FBXL20: variants seen among roughly 807,000 people sequenced by gnomAD.
FBXL20 encodes F-box and leucine rich repeat protein 20, also known as F-box/LRR-repeat protein 20.
A neutral mutation model predicts 64.0 loss-of-function variants in FBXL20; 11 were observed. The ratio of observed to expected loss-of-function variants is 0.17; its 90% confidence interval spans 0.11 to 0.28. The LOEUF (loss-of-function observed/expected upper bound fraction) is 0.28. FBXL20 is among the 10% of genes least tolerant of loss of function. FBXL20 has a pLI of 1.00. For missense variants in FBXL20, 303 were observed against 526.2 expected (o/e 0.58, Z 4.15); for synonymous variants, 184 against 189.0 (o/e 0.97, Z 0.22).
chr17:39,392,438 CA>C (rs67507209), intron 1 of FBXL20, among the ~76,000 whole-genome samples: 3,414 of 103,880 alleles, frequency 0.033, 87 homozygotes, highest in Middle Eastern at 0.12. Flanking sequence ...AGATTGTCTC[CA>C]AAAAAAAAAA....
rs1175898611 is a variant in FBXL20, at chr17:39,259,696, G to C, written c.*1764C>G. The stretch of plus-strand genomic sequence containing the variant: ...ACATTCATACTTCATTCAGAAGTCT[G>C]AACAGGGCCGGGCATGGTGGCTCAT... On this transcript the variant is annotated 3_prime_UTR_variant, in exon 15 of 15. Coordinates refer to ENST00000264658, the MANE Select transcript of FBXL20 (RefSeq NM_032875.3). The C allele has an allele frequency of 6.6e-6, 1 of 151,918 alleles. No homozygotes were observed. Among genetic ancestry groups the C allele is most frequent in the Non-Finnish European group, 1.5e-5 (1 of 68,016 alleles). 9.4% of individuals were successfully genotyped at this position (151,918 alleles called of 1,614,324 possible). A position where few individuals can be genotyped will look rare whatever the true frequency, so the allele number is the denominator to read the frequency against.
rs548638811 is a variant in FBXL20, at chr17:39,253,701, T to G, written c.*7759A>C. The G allele has an allele frequency of 5.9e-5, 9 of 152,326 alleles. No individual in the cohort carries two copies. Among genetic ancestry groups the G allele is most frequent in the Non-Finnish European group, 1.2e-4 (8 of 67,996 alleles). The allele number at this position is 152,326 out of a possible 1,614,324, so 9.4% of individuals were successfully genotyped here. ...CATCCCTTCCTGCACTATTAGAAAT[T>G]AACAGTCATCAGAGAAGCACAGATA... On this transcript the variant is annotated 3_prime_UTR_variant, in exon 15 of 15. Coordinates refer to ENST00000264658, the MANE Select transcript of FBXL20 (RefSeq NM_032875.3).
Position 39,261,396 on chromosome 17 carries a change from A to T in FBXL20, c.*64T>A. 5 of 1,325,538 alleles carry T rather than the reference A, an allele frequency of 3.8e-6. No individual in the cohort carries two copies. Among genetic ancestry groups the T allele is most frequent in the Non-Finnish European group, 5.4e-6 (5 of 918,752 alleles). The allele number at this position is 1,325,538 out of a possible 1,614,324, so 82.1% of individuals were successfully genotyped here. The stretch of plus-strand genomic sequence containing the variant: ...CACTGGGGTTGCTTCCACTGGAGAG[A>T]CTCCACGGTAGCTCTAGAAGTGTCA... On this transcript the variant is annotated 3_prime_UTR_variant, in exon 15 of 15. Coordinates refer to ENST00000264658, the MANE Select transcript of FBXL20 (RefSeq NM_032875.3).
At chr17:39,298,920 G>A (rs926719385) in intron 5 of FBXL20, 70 bp downstream of exon 5, 12 of 1,245,118 alleles carry the variant, frequency 9.6e-6, no homozygotes, top group Non-Finnish European at 1.4e-5. Context: ...AACGATTTTA[G>A]CCTTTTCTGG....
At chr17:39,269,913 G>A (rs866127083) in intron 11 of FBXL20, among the ~76,000 whole-genome samples, 2 of 152,318 alleles carry the variant, frequency 1.3e-5, no homozygotes, top group East Asian at 1.9e-4. Flanking sequence ...ACTGCACCCA[G>A]GCTATGGCCT....
intron 2 of FBXL20, among the ~76,000 whole-genome samples, chr17:39,317,701 G>GTTTTTTTTTTTTTTTTT (rs1238194174): frequency 2.3e-5 from 1 of 44,284 alleles, no homozygotes; most frequent in Non-Finnish European, 4.5e-5. Flanking sequence ...TTTTTTTTTT[G>GTTTTTTTTTTTTTTTTT]TTTTTTTTTT....
intron 9 of FBXL20, among the ~76,000 whole-genome samples, chr17:39,276,811 T>C (rs1240346652): frequency 6.6e-6 from 1 of 152,148 alleles, no homozygotes; most frequent in Non-Finnish European, 1.5e-5. Context: ...TTTAGAAATA[T>C]TACAAGCACA....
At chr17:39,332,153 T>G (rs922834448) in intron 2 of FBXL20, among the ~76,000 whole-genome samples, 7 of 152,242 alleles carry the variant, frequency 4.6e-5, no homozygotes, top group African/African-American at 1.7e-4. Context: ...TTTCCACACC[T>G]TCAACTCCTA....
chr17:39,363,809 T>TCAAAAAAAAAACAA (rs2047823631), intron 1 of FBXL20, among the ~76,000 whole-genome samples: 1 of 24,166 alleles, frequency 4.1e-5, no homozygotes, highest in African/African-American at 4.3e-4. Context: ...AGACTTTATC[T>TCAAAAAAAAAACAA]CAAAAAAAAA....
intron 1 of FBXL20, among the ~76,000 whole-genome samples, chr17:39,392,701 C>A (rs984252297): frequency 6.6e-6 from 1 of 152,046 alleles, no homozygotes; most frequent in African/African-American, 2.4e-5. Context: ...CGTATGGTAT[C>A]TTATTATCAC....
intron 1 of FBXL20, among the ~76,000 whole-genome samples, chr17:39,382,406 G>A (rs1459938579): frequency 7.2e-6 from 1 of 139,272 alleles, no homozygotes; most frequent in African/African-American, 2.7e-5. Flanking sequence ...TCGCGCCACT[G>A]CACTCCAGCC....
chr17:39,352,436 A>C (rs1336641667), intron 1 of FBXL20, among the ~76,000 whole-genome samples: 1 of 152,090 alleles, frequency 6.6e-6, no homozygotes, highest in East Asian at 1.9e-4. Context: ...TAATCCCAGC[A>C]CTTTCGGAGG....
Position 39,388,379 on chromosome 17 carries a change from A to T in FBXL20, c.42+12982T>A, listed in dbSNP as rs567816597. Among the ~76,000 whole-genome samples, 122 of 151,942 alleles carry T rather than the reference A, an allele frequency of 8.0e-4. 1 individual carries two copies. Among genetic ancestry groups the T allele is most frequent in the African/African-American group, 2.9e-3 (119 of 41,464 alleles). ...GAAGGTGAGGCACAAGAATCACCTG[A>T]GCCTGGCAGGTGGAGGTTGCAGTGA... On this transcript the variant is annotated intron_variant, in intron 1 of 14. Coordinates refer to ENST00000264658, the MANE Select transcript of FBXL20 (RefSeq NM_032875.3).
At chr17:39,381,353 A>G (rs997262947) in intron 1 of FBXL20, among the ~76,000 whole-genome samples, 4 of 150,200 alleles carry the variant, frequency 2.7e-5, no homozygotes, top group Non-Finnish European at 4.4e-5. Context: ...GGTGGCATAC[A>G]CCTCTGGTCC....
chr17:39,302,405 G>C (rs1180366723), intron 3 of FBXL20, among the ~76,000 whole-genome samples: 5 of 141,578 alleles, frequency 3.5e-5, no homozygotes, highest in Admixed American at 1.5e-4. Context: ...ACGGAGTCTC[G>C]TTCTGTCGCC....
At chr17:39,302,301 C>T (rs2047143297) in intron 3 of FBXL20, among the ~76,000 whole-genome samples, 1 of 151,910 alleles carries the variant, frequency 6.6e-6, no homozygotes, top group Non-Finnish European at 1.5e-5. Flanking sequence ...GCCTTGACCT[C>T]CCCGACTCAA....
chr17:39,315,523 ATGCCAGGTTAGAGGT>A (rs1244667436), intron 2 of FBXL20, among the ~76,000 whole-genome samples: 1 of 151,572 alleles, frequency 6.6e-6, no homozygotes, highest in Admixed American at 6.6e-5. Context: ...GTAGGTATCA[ATGCCAGGTTAGAGGT>A]TGGGTGCAGA....
chr17:39,384,356 C>G (rs1032640530), intron 1 of FBXL20, among the ~76,000 whole-genome samples: 2 of 151,968 alleles, frequency 1.3e-5, no homozygotes, highest in Admixed American at 1.3e-4. Context: ...GAAACCCCGT[C>G]TCTATTAAAA....
At chr17:39,397,826 TA>T (rs931345228) in intron 1 of FBXL20, among the ~76,000 whole-genome samples, 33 of 133,128 alleles carry the variant, frequency 2.5e-4, no homozygotes, top group South Asian at 2.4e-4. Context: ...CTAGTCATGC[TA>T]AAAAAAAAAG....
Sources: gnomAD v4.1 joint callset for allele counts (sites outside exome capture counted in the v4.1 genomes callset) on GRCh38, gnomAD v4.1.1 for gene constraint, MANE v1.5 for transcripts, NCBI Gene and HGNC (gene_info 2026-07-23, HGNC 2026-07-21) for gene names.